Variants in SLC5A4 observed in about 807,000 individuals in gnomAD.
SLC5A4 encodes the protein probable glucose sensor protein SLC5A4.
In SLC5A4, 55 loss-of-function variants were observed where a neutral mutation model predicts 70.3. The observed-to-expected ratio is 0.78, with a 90% CI of 0.63 to 0.98. The LOEUF (loss-of-function observed/expected upper bound fraction) is 0.98. Among genes scored for constraint, SLC5A4 ranks in the 50% least tolerant of loss-of-function variants. The probability of loss-of-function intolerance (pLI) is 0.00; values close to 1 mark genes in which losing one functional copy is unlikely to be tolerated. For synonymous variants in SLC5A4, 268 were observed against 305.7 expected, an observed-to-expected ratio of 0.88 and a Z score of 1.29; for missense variants, 735 against 839.2, an observed-to-expected ratio of 0.88 and a Z score of 1.53.
At chr22:32,331,736 C>T in the SLC5A4 span, among the ~76,000 whole-genome samples, 2 of 152,084 alleles carry the variant, frequency 1.3e-5, no homozygotes, top group African/African-American at 4.8e-5. Context: ...GCAGGAGCGA[C>T]AGGCGGAGGG....
the SLC5A4 span, among the ~76,000 whole-genome samples, chr22:32,279,529 G>A: frequency 6.6e-6 from 1 of 151,912 alleles, no homozygotes; most frequent in African/African-American, 2.4e-5. Context: ...GGTGGCTCAC[G>A]CCTGTAATCC....
the SLC5A4 span, among the ~76,000 whole-genome samples, chr22:32,300,323 T>C: frequency 2.0e-5 from 3 of 150,488 alleles, no homozygotes; most frequent in Admixed American, 1.3e-4. Context: ...TCCGTGGGCG[T>C]AGGACCCTCT....
At chr22:32,307,058 C>G in the SLC5A4 span, among the ~76,000 whole-genome samples, 1 of 152,138 alleles carries the variant, frequency 6.6e-6, no homozygotes, top group Non-Finnish European at 1.5e-5. Flanking sequence ...CAACAGGGTA[C>G]CTCATTGTAC....
chr22:32,293,881 G>A, the SLC5A4 span, among the ~76,000 whole-genome samples: 1 of 151,922 alleles, frequency 6.6e-6, no homozygotes. Flanking sequence ...ATTTTTGCTA[G>A]GTTTAGAATT....
chr22:32,297,094 A>G, the SLC5A4 span, among the ~76,000 whole-genome samples: 1 of 151,898 alleles, frequency 6.6e-6, no homozygotes, highest in Admixed American at 6.6e-5. Flanking sequence ...ATGTTCATCA[A>G]GGATATTGGT....
chr22:32,265,149 C>T, the SLC5A4 span, among the ~76,000 whole-genome samples: 1 of 152,140 alleles, frequency 6.6e-6, no homozygotes, highest in African/African-American at 2.4e-5. Context: ...CCTGTTATCC[C>T]AGCACTTTGG....
the SLC5A4 span, chr22:32,270,494 A>G: frequency 1.3e-6 from 1 of 767,532 alleles, no homozygotes; most frequent in Non-Finnish European, 2.3e-6. Flanking sequence ...AGCACCCCCG[A>G]AGCGGACAAT....
the SLC5A4 span, among the ~76,000 whole-genome samples, chr22:32,299,447 C>T: frequency 7.7e-4 from 81 of 104,536 alleles, no homozygotes; most frequent in Non-Finnish European, 1.1e-3. Context: ...TTGATCGCAT[C>T]GGCTCCTGAG....
At chr22:32,310,320 G>A in the SLC5A4 span, among the ~76,000 whole-genome samples, 1 of 152,084 alleles carries the variant, frequency 6.6e-6, no homozygotes, top group African/African-American at 2.4e-5. Context: ...CTTACTGATG[G>A]GGAAACTGAG....
chr22:32,241,808 TA>T (rs1407732028), intron 5 of SLC5A4, among the ~76,000 whole-genome samples: 1 of 150,880 alleles, frequency 6.6e-6, no homozygotes, highest in Non-Finnish European at 1.5e-5. Context: ...TGTGTGTATA[TA>T]TATCTGTATG....
the SLC5A4 span, among the ~76,000 whole-genome samples, chr22:32,336,444 C>T: frequency 6.6e-6 from 1 of 152,214 alleles, no homozygotes; most frequent in Non-Finnish European, 1.5e-5. Flanking sequence ...CTAAAGATTC[C>T]AAACTGGCTG....
At chr22:32,350,326 C>G in the SLC5A4 span, among the ~76,000 whole-genome samples, 3,933 of 152,286 alleles carry the variant, frequency 0.026, 179 homozygotes, top group African/African-American at 0.091. Context: ...CAGTTAGGCT[C>G]CAAAGCTCAC....
Position 32,251,892 on chromosome 22 carries a change from A to G in SLC5A4, c.208-18T>C, listed in dbSNP as rs1427533730. ...GCGCCCATCTGGAATGCAAGAGAAC[A>G]GACTAGGGTTGGAGTTAAAAGATCC... On this transcript the variant is annotated intron_variant, in intron 2 of 14. Transcript: ENST00000266086. The G allele has an allele frequency of 1.3e-6, 2 of 1,569,804 alleles. No individual in the cohort carries two copies. The highest frequency in any genetic ancestry group is 1.8e-6 in the Non-Finnish European group (2 of 1,139,954).
chr22:32,348,041 G>T, the SLC5A4 span, among the ~76,000 whole-genome samples: 1 of 152,260 alleles, frequency 6.6e-6, no homozygotes, highest in East Asian at 1.9e-4. Context: ...TTCACATGGG[G>T]ATAATAACAG....
chr22:32,326,637 G>A, the SLC5A4 span, among the ~76,000 whole-genome samples: 1 of 152,138 alleles, frequency 6.6e-6, no homozygotes, highest in Non-Finnish European at 1.5e-5. Flanking sequence ...ATGTGTCCCT[G>A]CAAACAGTAC....
At chr22:32,233,080 T>C (rs1925857458) in intron 8 of SLC5A4, 46 bp from the exon 9 acceptor site, 1 of 1,586,914 alleles carries the variant, frequency 6.3e-7, no homozygotes, top group Non-Finnish European at 8.6e-7. Flanking sequence ...CAGGGGATGA[T>C]TTCAAAGGCA....
the SLC5A4 span, among the ~76,000 whole-genome samples, chr22:32,277,605 T>C: frequency 2.0e-5 from 3 of 152,292 alleles, no homozygotes; most frequent in Admixed American, 2.0e-4. Context: ...TGCAGTGCAG[T>C]GGCGCCATCT....
chr22:32,247,723 G>A (rs1159196359), intron 4 of SLC5A4, among the ~76,000 whole-genome samples: 1 of 152,164 alleles, frequency 6.6e-6, no homozygotes, highest in Non-Finnish European at 1.5e-5. Flanking sequence ...TGCTTCTGAA[G>A]AGAAGGACCC....
At chr22:32,263,009 C>A in the SLC5A4 span, among the ~76,000 whole-genome samples, 2 of 151,862 alleles carry the variant, frequency 1.3e-5, no homozygotes, top group African/African-American at 4.8e-5. Flanking sequence ...ACTTTGTGAT[C>A]CACCCGCCTC....
Sources: gnomAD v4.1 joint callset for allele counts (sites outside exome capture counted in the v4.1 genomes callset) on GRCh38, gnomAD v4.1.1 for gene constraint, MANE v1.5 for transcripts, NCBI Gene and HGNC (gene_info 2026-07-23, HGNC 2026-07-21) for gene names.